Variants in RAB11FIP4 observed in about 807,000 individuals in gnomAD.
RAB11FIP4 encodes RAB11 family interacting protein 4, also known as rab11 family-interacting protein 4.
RAB11FIP4 carries 23 observed loss-of-function variants against 74.3 expected under a neutral mutation model. The observed-to-expected ratio is 0.31, with a 90% confidence interval of 0.22 to 0.44. The LOEUF is 0.44. RAB11FIP4 is among the 20% of genes least tolerant of loss of function. The pLI is 1.00. For missense variants in RAB11FIP4, 630 were observed against 863.9 expected (o/e 0.73, Z 3.39); for synonymous variants, 360 against 359.9 (o/e 1.00, Z 0.00).
In RAB11FIP4 at chr17:31,521,265, G is replaced by A. The variant is rs142101721; in HGVS notation, c.663G>A (p.Glu221=). Residue 221 remains glutamate (E), a synonymous_variant, in exon 5 of 15, where the codon GAG becomes GAA. Transcript: ENST00000621161. The part of the protein sequence containing the change: ...SNEEQFEDYG[E]GDDVDCAPSS... ...AGGAGCAGTTTGAAGACTATGGGGA[G>A]GGTGACGATGTGGACTGTGCCCCCA... 828 of 1,613,950 alleles carry A rather than the reference G, an allele frequency of 5.1e-4. No individual in the cohort carries two copies. Among genetic ancestry groups the A allele is most frequent in the Non-Finnish European group, 5.4e-4 (640 of 1,179,970 alleles).
chr17:31,537,310 C>T lies in RAB11FIP4; in HGVS notation c.*5578C>T. 1 of 398,408 alleles carries T rather than the reference C, an allele frequency of 2.5e-6. No homozygotes were observed. The highest frequency in any genetic ancestry group is 4.4e-6 in the Non-Finnish European group (1 of 226,096). The allele number at this position is 398,408 out of a possible 1,614,324, so 24.7% of individuals were successfully genotyped here. On this transcript the variant is annotated 3_prime_UTR_variant, in exon 15 of 15. Coordinates refer to ENST00000621161, the MANE Select transcript of RAB11FIP4 (RefSeq NM_032932.6). Reference sequence around the variant, plus strand: ...GCACATTCGTCCACAAGGATCAGGCCCCACTTACCCTTGGCTCGCTCAGCC... The same window carrying T: ...GCACATTCGTCCACAAGGATCAGGCTCCACTTACCCTTGGCTCGCTCAGCC...
chr17:31,422,217 C>A (rs890200641), intron 1 of RAB11FIP4, among the ~76,000 whole-genome samples: 1 of 152,172 alleles, frequency 6.6e-6, no homozygotes, highest in African/African-American at 2.4e-5. Flanking sequence ...TTTAATCGTC[C>A]AAGATATGAT....
intron 3 of RAB11FIP4, among the ~76,000 whole-genome samples, chr17:31,490,762 G>T (rs1441000792): frequency 6.6e-6 from 1 of 152,174 alleles, no homozygotes; most frequent in South Asian, 2.1e-4. Context: ...TTGCCATGTT[G>T]TCCAGGCTGG....
At chr17:31,418,441 C>G (rs1349465408) in intron 1 of RAB11FIP4, among the ~76,000 whole-genome samples, 1 of 149,368 alleles carries the variant, frequency 6.7e-6, no homozygotes, top group African/African-American at 2.5e-5. Context: ...AGATATCCAA[C>G]TTTGTATGTG....
intron 5 of RAB11FIP4, 65 bp downstream of exon 5, chr17:31,521,425 A>AG: frequency 7.0e-7 from 1 of 1,434,512 alleles, no homozygotes; most frequent in South Asian, 1.3e-5. Flanking sequence ...AGCACATCCT[A>AG]GGGGGTGGGG....
intron 1 of RAB11FIP4, among the ~76,000 whole-genome samples, chr17:31,397,204 G>C (rs1291938321): frequency 6.6e-6 from 1 of 152,220 alleles, no homozygotes; most frequent in Non-Finnish European, 1.5e-5. Context: ...AAGGGGTGAA[G>C]GGGAAGGTAG....
At chr17:31,415,890 C>T (rs2151621424) in intron 1 of RAB11FIP4, among the ~76,000 whole-genome samples, 1 of 152,286 alleles carries the variant, frequency 6.6e-6, no homozygotes, top group South Asian at 2.1e-4. Context: ...CACCCTCAGG[C>T]CCCCTTTATG....
chr17:31,517,621 C>T, intron 3 of RAB11FIP4, 30 bp from the exon 4 acceptor site: 1 of 1,567,308 alleles, frequency 6.4e-7, no homozygotes, highest in African/African-American at 1.3e-5. Flanking sequence ...GCTGGCCTCA[C>T]TTATCTTGTC....
At chr17:31,524,046 A>AG (rs751896202) in intron 9 of RAB11FIP4, 50 bp downstream of exon 9, 53 of 1,372,504 alleles carry the variant, frequency 3.9e-5, no homozygotes, top group Non-Finnish European at 4.8e-5. Context: ...TGGGGAACAA[A>AG]GGGGGGTCCA....
intron 3 of RAB11FIP4, among the ~76,000 whole-genome samples, chr17:31,495,366 ATTTTTTTTTT>A (rs3058694): frequency 0.08 from 6,669 of 83,256 alleles, 569 homozygotes; most frequent in African/African-American, 0.24. Flanking sequence ...CACTTGACTG[ATTTTTTTTTT>A]TTTTTTTTTT....
intron 4 of RAB11FIP4, 76 bp downstream of exon 4, chr17:31,517,953 A>G: frequency 8.2e-7 from 1 of 1,226,642 alleles, no homozygotes; most frequent in South Asian, 1.4e-5. Flanking sequence ...TGTCTCCAGG[A>G]AGTAAATTTG....
At chr17:31,456,111 G>A (rs2071576575) in intron 3 of RAB11FIP4, among the ~76,000 whole-genome samples, 1 of 152,210 alleles carries the variant, frequency 6.6e-6, no homozygotes, top group South Asian at 2.1e-4. Context: ...CGTCTTTACT[G>A]TTGTACATTT....
chr17:31,429,859 C>T (rs1164534650), intron 1 of RAB11FIP4, among the ~76,000 whole-genome samples: 1 of 149,198 alleles, frequency 6.7e-6, no homozygotes, highest in Non-Finnish European at 1.5e-5. Context: ...AAGAATCCTT[C>T]CTCCACTTGC....
At chr17:31,417,190 T>C (rs1037053461) in intron 1 of RAB11FIP4, among the ~76,000 whole-genome samples, 1 of 152,124 alleles carries the variant, frequency 6.6e-6, no homozygotes. Context: ...ATGCCTCCGG[T>C]ACCCCAGTGT....
At chr17:31,410,697 T>C (rs528117997) in intron 1 of RAB11FIP4, among the ~76,000 whole-genome samples, 39 of 152,274 alleles carry the variant, frequency 2.6e-4, no homozygotes, top group African/African-American at 9.1e-4. Flanking sequence ...GAAGGGGTGA[T>C]GGCACAGCCC....
At chr17:31,429,956 C>T (rs889735405) in intron 1 of RAB11FIP4, among the ~76,000 whole-genome samples, 12 of 152,116 alleles carry the variant, frequency 7.9e-5, no homozygotes, top group African/African-American at 2.7e-4. Context: ...TTTCCTTTGA[C>T]CTCCATGTCA....
At chr17:31,516,697 TG>T (rs1161771648) in intron 3 of RAB11FIP4, among the ~76,000 whole-genome samples, 3 of 152,350 alleles carry the variant, frequency 2.0e-5, no homozygotes, top group African/African-American at 7.2e-5. Context: ...CTTGATCTCC[TG>T]ACCTCGTGAT....
intron 3 of RAB11FIP4, among the ~76,000 whole-genome samples, chr17:31,440,850 C>T (rs761416243): frequency 2.0e-5 from 3 of 152,136 alleles, no homozygotes; most frequent in Non-Finnish European, 2.9e-5. Context: ...GCCTTTTTGT[C>T]AAGCTCTATT....
At chr17:31,484,630 C>A (rs1458578032) in intron 3 of RAB11FIP4, among the ~76,000 whole-genome samples, 4 of 151,952 alleles carry the variant, frequency 2.6e-5, no homozygotes, top group East Asian at 1.9e-4. Context: ...CCCCACCCCA[C>A]CCCCCACTGG....
Sources: allele counts gnomAD v4.1 joint callset (sites outside exome capture counted in the v4.1 genomes callset), GRCh38; gene constraint gnomAD v4.1.1; transcripts MANE v1.5; gene names NCBI Gene and HGNC (gene_info 2026-07-23, HGNC 2026-07-21).